ZNF561: variants seen among roughly 807,000 people sequenced by gnomAD.
ZNF561 encodes the protein zinc finger protein 561.
A neutral mutation model predicts 16.7 loss-of-function variants in ZNF561; 16 were observed. The observed-to-expected ratio is 0.96, with a 90% confidence interval of 0.65 to 1.45. The LOEUF (loss-of-function observed/expected upper bound fraction) is 1.45. ZNF561 is among the 40% of genes most tolerant of loss of function. The pLI is 0.00. For synonymous variants in ZNF561, 190 were observed against 192.1 expected (o/e 0.99, Z 0.09); for missense variants, 580 against 578.0 (o/e 1.00, Z -0.04).
At chr19:9,616,223 T>C (rs932338486) in intron 4 of ZNF561, among the ~76,000 whole-genome samples, 3 of 152,212 alleles carry the variant, frequency 2.0e-5, no homozygotes, top group African/African-American at 4.8e-5. Flanking sequence ...CAAGCAAGCA[T>C]GTAACATACA....
intron 2 of ZNF561, 118 bp from the exon 3 acceptor site, chr19:9,618,297 A>C: frequency 2.0e-6 from 2 of 996,084 alleles, no homozygotes; most frequent in East Asian, 5.5e-5. Flanking sequence ...ACACTCGAGA[A>C]AACTACACAC....
chr19:9,614,985 T>C (rs1231661872), intron 4 of ZNF561, among the ~76,000 whole-genome samples: 1 of 151,826 alleles, frequency 6.6e-6, no homozygotes, highest in East Asian at 2.0e-4. Flanking sequence ...ACTAAAGGCG[T>C]GTGCCACCAC....
Position 9,619,582 on chromosome 19 carries a change from C to T in ZNF561, c.-126G>A. 1.2e-6 allele frequency: 1 copy of T among 802,608 alleles called. No individual in the cohort carries two copies. The highest frequency in any genetic ancestry group is 2.0e-6 in the Non-Finnish European group (1 of 511,616). The allele number at this position is 802,608 out of a possible 1,614,324, so 49.7% of individuals were successfully genotyped here. ...CTCTTTGTACAGGGTTATTTGCGGT[C>T]CTGTTCATATCAATCATCAAACAAC... is the stretch of plus-strand genomic sequence containing the variant. On this transcript the variant is annotated splice_region_variant and 5_prime_UTR_variant, in exon 2 of 6. Transcript: ENST00000302851.
At position 9,609,617 on chromosome 19, in the gene ZNF561, A is replaced by G. The variant is rs1410707346; in HGVS notation, c.*583T>C. 1.3e-5 allele frequency: 2 copies of G among 152,854 alleles called. No individual in the cohort carries two copies. Among genetic ancestry groups the G allele is most frequent in the African/African-American group, 4.8e-5 (2 of 41,470 alleles). The allele number at this position is 152,854 out of a possible 1,614,324, so 9.5% of individuals were successfully genotyped here. ...GAGACTGGATTATACTAGAAGAGAC[A>G]TTGCCACTTACATTGTGCCATCTAA... is the stretch of plus-strand genomic sequence containing the variant. On this transcript the variant is annotated 3_prime_UTR_variant, in exon 6 of 6. Transcript: ENST00000302851.
At position 9,608,063 on chromosome 19, in the gene ZNF561, G is replaced by C. The variant is rs919393406; in HGVS notation, c.*2137C>G. On this transcript the variant is annotated 3_prime_UTR_variant, in exon 6 of 6. Transcript: ENST00000302851. The stretch of plus-strand genomic sequence containing the variant: ...ATTTTTTGTATTTGTAGTAGAGACA[G>C]GGTTTCACCGTGTTAACTAGGACAG... 1 of 152,156 alleles carries C rather than the reference G, an allele frequency of 6.6e-6. No homozygotes were observed. The highest frequency in any genetic ancestry group is 2.1e-4 in the South Asian group (1 of 4,826). The allele number at this position is 152,156 out of a possible 1,614,324, so 9.4% of individuals were successfully genotyped here.
rs764395862 is a variant in ZNF561, at chr19:9,610,792, A to C, written c.869T>G (p.Phe290Cys). The change falls in exon 6 of 6, where the codon TTT (phenylalanine) becomes TGT (cysteine). Residue 290 changes from phenylalanine to cysteine, a missense_variant. Physicochemically the swap from Phe to Cys is radical, Grantham distance 205. Coordinates refer to ENST00000302851, the MANE Select transcript of ZNF561 (RefSeq NM_152289.3). ...SFECKECGRS[F>C]RNSSCLNDHI... ...ATCATTAAGGCATGAGGAATTTCTA[A>C]AGGATCTTCCACATTCTTTACATTC... The C allele has an allele frequency of 2.5e-6, 4 of 1,614,084 alleles. No individual in the cohort carries two copies. In the South Asian group the frequency reaches 4.4e-5, roughly 18 times the overall value.
chr19:9,616,079 T>C (rs765647223), intron 4 of ZNF561, among the ~76,000 whole-genome samples: 2 of 152,184 alleles, frequency 1.3e-5, no homozygotes, highest in Non-Finnish European at 2.9e-5. Context: ...GGAAGGAAGA[T>C]GTATATTTCT....
chr19:9,618,065 T>A, intron 3 of ZNF561, 26 bp downstream of exon 3: 1 of 1,542,026 alleles, frequency 6.5e-7, no homozygotes, highest in South Asian at 1.2e-5. Flanking sequence ...CATATCATTT[T>A]TAACAACAGT....
At chr19:9,614,129 T>G in intron 4 of ZNF561, 26 bp from the exon 5 acceptor site, 1 of 1,610,978 alleles carries the variant, frequency 6.2e-7, no homozygotes, top group Non-Finnish European at 8.5e-7. Flanking sequence ...AAAAGAAACG[T>G]AAGGATTTAG....
intron 4 of ZNF561, among the ~76,000 whole-genome samples, chr19:9,616,570 C>T (rs1002141730): frequency 6.6e-6 from 1 of 150,604 alleles, no homozygotes; most frequent in South Asian, 2.1e-4. Flanking sequence ...TGTAAGCCAC[C>T]ACAACCGGCC....
intron 4 of ZNF561, among the ~76,000 whole-genome samples, chr19:9,616,388 C>A (rs1050002928): frequency 6.6e-6 from 1 of 152,074 alleles, no homozygotes; most frequent in Non-Finnish European, 1.5e-5. Context: ...TCAAGCAATT[C>A]TCCTGTCTCA....
chr19:9,611,386 G>C (rs749020894), intron 5 of ZNF561, 50 bp from the exon 6 acceptor site: 1 of 1,535,566 alleles, frequency 6.5e-7, no homozygotes, highest in South Asian at 1.3e-5. Flanking sequence ...CATATTAAGA[G>C]ATTTCACCCA....
intron 2 of ZNF561, chr19:9,619,140 C>T (rs574081886): frequency 4.2e-5 from 8 of 188,894 alleles, no homozygotes; most frequent in African/African-American, 1.6e-4. Context: ...GCTTGTGGTC[C>T]CAGATACTTG....
chr19:9,611,537 C>T (rs1048666842), intron 5 of ZNF561, among the ~76,000 whole-genome samples: 1 of 152,142 alleles, frequency 6.6e-6, no homozygotes, highest in Non-Finnish European at 1.5e-5. Context: ...ACCTCCACCT[C>T]CCAGGCTCAA....
rs1485791692 is a variant in ZNF561 at position 9,619,870 on chromosome 19, T to A, written c.-126-288A>T. Among the ~76,000 whole-genome samples the A allele has an allele frequency of 3.1e-5, 3 of 95,326 alleles. No individual in the cohort carries two copies. In the East Asian group the frequency reaches 8.6e-4, roughly 27 times the overall value. 62.5% of individuals were successfully genotyped at this position (95,326 alleles called of 152,430 possible). On this transcript the variant is annotated intron_variant, in intron 1 of 5. Coordinates refer to ENST00000302851, the MANE Select transcript of ZNF561 (RefSeq NM_152289.3). ...ATCTATATCTATCTATATTTATCTA[T>A]CTATATCTATCTATCTATATATCTA... is the stretch of plus-strand genomic sequence containing the variant.
intron 2 of ZNF561, 94 bp from the exon 3 acceptor site, chr19:9,618,273 C>T (rs944628134): frequency 6.1e-5 from 74 of 1,213,926 alleles, no homozygotes; most frequent in Non-Finnish European, 7.3e-5. Context: ...CTTGAAATTC[C>T]GATATGCTCC....
rs2074433205 is a variant in ZNF561 at position 9,610,663 on chromosome 19, C to G, written c.998G>C (p.Gly333Ala). The change falls in exon 6 of 6, where the codon GGA becomes GCA. Residue 333 changes from glycine (G) to alanine (A), a missense_variant. By Grantham distance (60) the Gly-to-Ala change is moderately conservative (BLOSUM62 0). Transcript: ENST00000302851. Reference protein sequence around the residue: ...QLTEHVRTHTGIKPYECKECG... With the variant: ...QLTEHVRTHTAIKPYECKECG... ...TTCCTTACATTCATAGGGTTTTATT[C>G]CAGTGTGAGTTCTTACATGTTCAGT... is the stretch of plus-strand genomic sequence containing the variant. 6.2e-7 allele frequency: 1 copy of G among 1,614,008 alleles called. No homozygotes were observed. Among genetic ancestry groups the G allele is most frequent in the Non-Finnish European group, 8.5e-7 (1 of 1,180,030 alleles).
rs377362642 is a variant in ZNF561 at position 9,617,608 on chromosome 19, G to C, written c.115-437C>G. ...TACAGCTTCGATCTCCTGGGCTGAA[G>C]TGGTCCTCTCACCTCTGTCTCCTGA... On this transcript the variant is annotated intron_variant, in intron 3 of 5. Coordinates refer to ENST00000302851, the MANE Select transcript of ZNF561 (RefSeq NM_152289.3). 177 of 453,856 alleles carry C rather than the reference G, an allele frequency of 3.9e-4. 1 individual carries two copies. The Middle Eastern group carries it at 5.2e-3, about 13-fold the overall frequency. The allele number at this position is 453,856 out of a possible 1,614,324, so 28.1% of individuals were successfully genotyped here.
intron 4 of ZNF561, 179 bp downstream of exon 4, chr19:9,616,866 T>C: frequency 1.4e-6 from 1 of 717,672 alleles, no homozygotes; most frequent in Non-Finnish European, 2.1e-6. Flanking sequence ...AGTGCTGGGA[T>C]TACAGGCATG....
Sources: allele counts gnomAD v4.1 joint callset (sites outside exome capture counted in the v4.1 genomes callset), GRCh38; gene constraint gnomAD v4.1.1; transcripts MANE v1.5; gene names NCBI Gene and HGNC (gene_info 2026-07-23, HGNC 2026-07-21).